Variants in PAK1 observed in about 807,000 individuals in gnomAD.
The protein encoded by PAK1 is serine/threonine-protein kinase PAK 1.
PAK1 carries 29 observed loss-of-function variants against 67.4 expected under a neutral mutation model. The observed-to-expected ratio is 0.43, with a 90% CI of 0.32 to 0.59. The LOEUF (loss-of-function observed/expected upper bound fraction) is 0.59. Among genes scored for constraint, PAK1 ranks in the 20% least tolerant of loss-of-function variants. The pLI is 0.07. For missense variants in PAK1, 337 were observed against 670.7 expected (o/e 0.50, Z 5.50); for synonymous variants, 223 against 237.4 (o/e 0.94, Z 0.56).
chr11:77,363,058 AC>A (rs757793959), intron 5 of PAK1, among the ~76,000 whole-genome samples: 1 of 152,118 alleles, frequency 6.6e-6, no homozygotes, highest in Non-Finnish European at 1.5e-5. Context: ...CCAGTTAAAA[AC>A]CACCTTGGGA....
At chr11:77,387,353 G>A (rs143132744) in intron 2 of PAK1, among the ~76,000 whole-genome samples, 12 of 152,330 alleles carry the variant, frequency 7.9e-5, no homozygotes, top group African/African-American at 2.2e-4. Context: ...GGTTACAGGC[G>A]TGAGCCACTT....
At chr11:77,412,329 C>T (rs1954655249) in intron 1 of PAK1, among the ~76,000 whole-genome samples, 1 of 152,126 alleles carries the variant, frequency 6.6e-6, no homozygotes, top group African/African-American at 2.4e-5. Context: ...CCTCCCCCCT[C>T]CCCAAACGTG....
At chr11:77,336,705 G>A (rs1304878559) in intron 12 of PAK1, among the ~76,000 whole-genome samples, 1 of 152,034 alleles carries the variant, frequency 6.6e-6, no homozygotes, top group African/African-American at 2.4e-5. Context: ...ACTAGGCATG[G>A]CCCTGTTTTT....
Position 77,340,756 on chromosome 11 carries a change from C to T in PAK1, c.1006G>A (p.Val336Met), listed in dbSNP as rs534472752. 5.8e-6 allele frequency: 9 copies of T among 1,546,682 alleles called. No individual in the cohort carries two copies. Among genetic ancestry groups the T allele is most frequent in the Admixed American group, 3.3e-5 (2 of 59,910 alleles). The change falls in exon 11 of 15, where the codon GTG becomes ATG. Residue 336 changes from valine to methionine, a missense_variant. By Grantham distance (21) the Val-to-Met change is conservative. Coordinates refer to ENST00000356341, the MANE Select transcript of PAK1 (RefSeq NM_002576.5). ...ATAACAACCCACAGCTCATCTCCCA[C>T]GAGGTAACTGCAGGAATACAGATAA... ...NIVNYLDSYL[V>M]GDELWVVMEY...
At chr11:77,475,754 C>T (rs1244398136), upstream of PAK1, 1 of 152,168 alleles carries the variant, frequency 6.6e-6, no homozygotes, top group Non-Finnish European at 1.5e-5. Flanking sequence ...TATTTCTATG[C>T]CTTTTATGGA....
intron 5 of PAK1, among the ~76,000 whole-genome samples, chr11:77,368,074 T>A (rs1228359279): frequency 6.6e-6 from 1 of 152,156 alleles, no homozygotes; most frequent in Non-Finnish European, 1.5e-5. Context: ...ATCAACAAAA[T>A]AATTCAAGCA....
chr11:77,444,751 A>G (rs1233427865), intron 1 of PAK1, among the ~76,000 whole-genome samples: 1 of 152,206 alleles, frequency 6.6e-6, no homozygotes, highest in African/African-American at 2.4e-5. Flanking sequence ...ACTAAGTAAA[A>G]AAACTGAAGT....
intron 1 of PAK1, among the ~76,000 whole-genome samples, chr11:77,398,174 G>C (rs1196469336): frequency 6.6e-6 from 1 of 152,116 alleles, no homozygotes; most frequent in Middle Eastern, 3.2e-3. Context: ...ATTGATTACA[G>C]TCACCCTGCT....
chr11:77,349,213 A>G, intron 9 of PAK1, 26 bp downstream of exon 9: 1 of 1,542,936 alleles, frequency 6.5e-7, no homozygotes, highest in Non-Finnish European at 8.9e-7. Flanking sequence ...GAACTAAAGG[A>G]GCAACAGTGG....
At chr11:77,455,901 C>G (rs1459275016) in intron 1 of PAK1, 1 of 152,106 alleles carries the variant, frequency 6.6e-6, no homozygotes, top group East Asian at 1.9e-4. Flanking sequence ...AAAGACTTGA[C>G]AGGAGACTGA....
At chr11:77,370,776 T>G (rs1246408641) in intron 5 of PAK1, among the ~76,000 whole-genome samples, 2 of 152,250 alleles carry the variant, frequency 1.3e-5, no homozygotes, top group Non-Finnish European at 2.9e-5. Context: ...GATGGGCACA[T>G]GAATTCAGTT....
At chr11:77,495,863 C>T in the PAK1 span, among the ~76,000 whole-genome samples, 2 of 152,172 alleles carry the variant, frequency 1.3e-5, no homozygotes, top group African/African-American at 2.4e-5. Context: ...GAAAGTACAA[C>T]GGTGGTTGCC....
chr11:77,438,614 G>T (rs1006663985), intron 1 of PAK1, among the ~76,000 whole-genome samples: 1 of 152,122 alleles, frequency 6.6e-6, no homozygotes, highest in Admixed American at 6.5e-5. Context: ...AGGTACACAG[G>T]TCACATGGCA....
At chr11:77,391,668 C>T (rs1951158433) in intron 2 of PAK1, among the ~76,000 whole-genome samples, 2 of 152,168 alleles carry the variant, frequency 1.3e-5, no homozygotes, top group East Asian at 1.9e-4. Flanking sequence ...ACCTTGTCTA[C>T]GAGGATCTTG....
At chr11:77,366,432 A>G (rs1947594863) in intron 5 of PAK1, among the ~76,000 whole-genome samples, 1 of 152,242 alleles carries the variant, frequency 6.6e-6, no homozygotes, top group Non-Finnish European at 1.5e-5. Flanking sequence ...ACACATATAC[A>G]CATACAGATT....
intron 1 of PAK1, among the ~76,000 whole-genome samples, chr11:77,424,302 A>G (rs1955438330): frequency 2.0e-5 from 3 of 152,188 alleles, no homozygotes; most frequent in Admixed American, 1.3e-4. Context: ...TGCTAAATCC[A>G]AGTGTGGTCT....
In PAK1 at chr11:77,422,450, G is replaced by A. The variant is rs116668862; in HGVS notation, c.-21-29909C>T. The stretch of plus-strand genomic sequence containing the variant: ...GTGGCAGGCACCTGTAATCTTGGGA[G>A]GCTGAGGCAGGGAGAAATCACTTGA... On this transcript the variant is annotated intron_variant, in intron 1 of 14. Transcript: ENST00000356341. Among the ~76,000 whole-genome samples, 743 of 151,962 alleles carry A rather than the reference G, an allele frequency of 4.9e-3. 8 individuals are homozygous for A. The highest frequency in any genetic ancestry group is 0.017 in the African/African-American group (696 of 41,418).
chr11:77,499,994 C>T, the PAK1 span, among the ~76,000 whole-genome samples: 1 of 152,152 alleles, frequency 6.6e-6, no homozygotes, highest in African/African-American at 2.4e-5. Context: ...GCTGGAAGAC[C>T]TCTGAACACA....
chr11:77,520,002 G>GCCCCCCCCCCCCCCCCCTGGCCC, the PAK1 span, among the ~76,000 whole-genome samples: 1 of 151,192 alleles, frequency 6.6e-6, no homozygotes, highest in Admixed American at 6.6e-5. Context: ...CTGGCCTGTG[G>GCCCCCCCCCCCCCCCCCTGGCCC]CCCCCCCCTC....
Sources: allele counts gnomAD v4.1 joint callset (sites outside exome capture counted in the v4.1 genomes callset), GRCh38; gene constraint gnomAD v4.1.1; transcripts MANE v1.5; gene names NCBI Gene and HGNC (gene_info 2026-07-23, HGNC 2026-07-21).